Variants in FARP2 observed in about 807,000 individuals in gnomAD.
The protein encoded by FARP2 is FERM, ARH/RhoGEF and pleckstrin domain protein 2, also known as FERM, ARHGEF and pleckstrin domain-containing protein 2.
A neutral mutation model predicts 130.5 loss-of-function variants in FARP2; 111 were observed. The ratio of observed to expected loss-of-function variants is 0.85; its 90% CI spans 0.73 to 1.00. The LOEUF (loss-of-function observed/expected upper bound fraction) is 1.00. FARP2 is among the 50% of genes least tolerant of loss of function. The probability of loss-of-function intolerance (pLI) is 0.00; values close to 1 mark genes in which losing one functional copy is unlikely to be tolerated. For missense variants in FARP2, 1,385 were observed against 1,346.3 expected, an observed-to-expected ratio of 1.03 and a Z score of -0.45; for synonymous variants, 504 against 516.9, an observed-to-expected ratio of 0.98 and a Z score of 0.34.
chr2:241,425,569 G>C (rs1360505535), intron 8 of FARP2, among the ~76,000 whole-genome samples: 1 of 150,036 alleles, frequency 6.7e-6, no homozygotes, highest in Non-Finnish European at 1.5e-5. Flanking sequence ...CGAGCCAGGG[G>C]GAAATTGAAT....
chr2:241,382,290 C>CTCTTTTTTTTTTTTTTTTTTTTTT (rs1553709361), intron 2 of FARP2, among the ~76,000 whole-genome samples: 2 of 127,198 alleles, frequency 1.6e-5, no homozygotes, highest in Non-Finnish European at 1.7e-5. Flanking sequence ...TGTACAAAAT[C>CTCTTTTTTTTTTTTTTTTTTTTTT]TATTTTTTTT....
At chr2:241,492,383 A>T (rs2064951868) in intron 24 of FARP2, among the ~76,000 whole-genome samples, 1 of 152,154 alleles carries the variant, frequency 6.6e-6, no homozygotes, top group Non-Finnish European at 1.5e-5. Flanking sequence ...GCAGGGTCCT[A>T]GCTAGGCCCG....
Position 241,456,786 on chromosome 2 carries a change from G to T in FARP2, c.1451G>T (p.Arg484Leu). The T allele has an allele frequency of 6.2e-7, 1 of 1,614,058 alleles. No individual in the cohort carries two copies. Among genetic ancestry groups the T allele is most frequent in the Non-Finnish European group, 8.5e-7 (1 of 1,179,998 alleles). Residue 484 changes from arginine to leucine, a missense_variant, in exon 14 of 27, where the codon CGG becomes CTG. Physicochemically the swap from Arg to Leu is moderately radical, Grantham distance 102 (BLOSUM62 -2). Transcript: ENST00000264042. The part of the protein sequence containing the change: ...TKSPQPSPSS[R>L]KSPLSLSPAF... ...AGTCCTCAGCCTTCTCCCTCCAGCCGGAAGAGCCCCCTGAGTCTGAGCCCT... is the reference window on the plus strand; with the variant it reads ...AGTCCTCAGCCTTCTCCCTCCAGCCTGAAGAGCCCCCTGAGTCTGAGCCCT...
At chr2:241,457,248 T>G (rs1416478618) in intron 14 of FARP2, among the ~76,000 whole-genome samples, 1 of 152,144 alleles carries the variant, frequency 6.6e-6, no homozygotes, top group Non-Finnish European at 1.5e-5. Flanking sequence ...CTTCCTTCCT[T>G]CCTTCCCACC....
Position 241,431,757 on chromosome 2 carries a change from C to T in FARP2, c.850C>T (p.Leu284Phe). Reference protein sequence around the residue: ...SFKRKRFLIKLHPEVHGPYQD... With the variant: ...SFKRKRFLIKFHPEVHGPYQD... ...CAAGAGGAAAAGATTTCTTATCAAA[C>T]TTCATCCAGAGGTTCATGTAAGTAT... The change falls in exon 9 of 27, where the codon CTT (leucine) becomes TTT (phenylalanine). Residue 284 changes from leucine to phenylalanine, a missense_variant. Physicochemically the swap from Leu to Phe is conservative, Grantham distance 22. Transcript: ENST00000264042. The T allele has an allele frequency of 6.6e-7, 1 of 1,518,528 alleles. No individual in the cohort carries two copies. Among genetic ancestry groups the T allele is most frequent in the Non-Finnish European group, 9.1e-7 (1 of 1,097,666 alleles). The allele number at this position is 1,518,528 out of a possible 1,614,324, so 94.1% of individuals were successfully genotyped here. A position where few individuals can be genotyped will look rare whatever the true frequency, so the allele number is the denominator to read the frequency against.
intron 17 of FARP2, 60 bp from the exon 18 acceptor site, chr2:241,468,080 A>C: frequency 8.8e-7 from 1 of 1,133,172 alleles, no homozygotes. Context: ...AAAACAGGCC[A>C]GTCTCCCCCT....
At chr2:241,466,259 G>A (rs575461707) in intron 17 of FARP2, 5 of 985,448 alleles carry the variant, frequency 5.1e-6, no homozygotes, top group South Asian at 9.4e-5. Flanking sequence ...GGTCCCTGGA[G>A]CCCCGGTGTG....
chr2:241,436,672 C>G (rs1446853939), intron 12 of FARP2, 134 bp downstream of exon 12: 8 of 788,038 alleles, frequency 1.0e-5, no homozygotes, highest in East Asian at 2.7e-5. Flanking sequence ...TCCTGGGACT[C>G]TGTTTTCAGA....
intron 8 of FARP2, among the ~76,000 whole-genome samples, chr2:241,425,507 G>A (rs990546015): frequency 1.3e-5 from 2 of 151,990 alleles, no homozygotes; most frequent in Admixed American, 1.3e-4. Flanking sequence ...ATTTAAAATG[G>A]CCTGGAACTA....
intron 1 of FARP2, among the ~76,000 whole-genome samples, chr2:241,365,376 G>C (rs12473905): frequency 6.6e-6 from 1 of 151,932 alleles, no homozygotes; most frequent in East Asian, 1.9e-4. Context: ...TCTAAGAGAG[G>C]GACTTTTTTC....
chr2:241,376,375 C>G (rs1031842458), intron 2 of FARP2, among the ~76,000 whole-genome samples: 1 of 152,298 alleles, frequency 6.6e-6, no homozygotes, highest in South Asian at 2.1e-4. Context: ...GATGAGAGAG[C>G]GGCCAGGAAT....
intron 12 of FARP2, among the ~76,000 whole-genome samples, chr2:241,440,139 A>G (rs544116264): frequency 6.6e-6 from 1 of 152,338 alleles, no homozygotes; most frequent in East Asian, 1.9e-4. Context: ...CCTAGTAACT[A>G]AGCCTTGTGC....
chr2:241,481,393 T>A (rs535656684), intron 19 of FARP2, among the ~76,000 whole-genome samples: 2 of 152,360 alleles, frequency 1.3e-5, no homozygotes, highest in South Asian at 4.1e-4. Context: ...ATGGAGATGT[T>A]TCCTGTCTCT....
rs766653439 is a variant in FARP2, at chr2:241,475,205, C to T, written c.2132-652C>T. On this transcript the variant is annotated intron_variant, in intron 18 of 26. Coordinates refer to ENST00000264042, the MANE Select transcript of FARP2 (RefSeq NM_014808.4). The surrounding 1 kb of genome is among the most constrained non-coding windows in gnomAD (Gnocchi z 4.4). ...TTAAATGGTTATTTACAAAGCCTAT[C>T]CTCTTTGCCAAACCAGAATATGGGC... Among the ~76,000 whole-genome samples, 3 of 152,214 alleles carry T rather than the reference C, an allele frequency of 2.0e-5. No homozygotes were observed. Among genetic ancestry groups the T allele is most frequent in the Non-Finnish European group, 4.4e-5 (3 of 68,034 alleles).
intron 8 of FARP2, among the ~76,000 whole-genome samples, chr2:241,428,557 C>T (rs558941436): frequency 1.1e-4 from 17 of 151,730 alleles, no homozygotes; most frequent in African/African-American, 3.9e-4. Flanking sequence ...ATTTTGGGAA[C>T]TAGGAAGCTT....
At chr2:241,403,161 A>G (rs1416267938) in intron 2 of FARP2, among the ~76,000 whole-genome samples, 2 of 151,724 alleles carry the variant, frequency 1.3e-5, no homozygotes, top group African/African-American at 4.8e-5. Flanking sequence ...ATAATTATTT[A>G]CTGGGATCTT....
chr2:241,468,396 C>T lies in FARP2; in HGVS notation c.2131+19C>T, dbSNP rs373310160. ...TGCCATGGTGAGTGTGGGTGCGGCC[C>T]TGCATCTCAAGGATCAGCGTGCGTG... On this transcript the variant is annotated intron_variant, in intron 18 of 26. Coordinates refer to ENST00000264042, the MANE Select transcript of FARP2 (RefSeq NM_014808.4). The T allele has an allele frequency of 1.3e-6, 2 of 1,586,566 alleles. No homozygotes were observed. Among genetic ancestry groups the T allele is most frequent in the East Asian group, 2.2e-5 (1 of 44,702 alleles).
chr2:241,465,319 A>T (rs2064140370), intron 17 of FARP2: 4 of 693,568 alleles, frequency 5.8e-6, no homozygotes, highest in Non-Finnish European at 1.0e-5. Context: ...AGTCTTCCTC[A>T]GAACATCATT....
intron 1 of FARP2, among the ~76,000 whole-genome samples, chr2:241,358,780 A>G (rs1198238974): frequency 1.3e-5 from 2 of 152,152 alleles, no homozygotes; most frequent in African/African-American, 4.8e-5. Flanking sequence ...ACCATAGCGT[A>G]TTTGTCAATG....
Sources: allele counts gnomAD v4.1 joint callset (sites outside exome capture counted in the v4.1 genomes callset), GRCh38; gene constraint gnomAD v4.1.1; non-coding constraint Gnocchi (gnomAD v3.1); transcripts MANE v1.5; gene names NCBI Gene and HGNC (gene_info 2026-07-23, HGNC 2026-07-21).